The following BRINP3 variants were observed in gnomAD, a reference collection of about 807,000 sequenced individuals.
BRINP3 encodes BMP/retinoic acid-inducible neural-specific protein 3.
In BRINP3, 19 loss-of-function variants were observed where a neutral mutation model predicts 71.0. The observed-to-expected ratio is 0.27, with a 90% CI of 0.19 to 0.39. BRINP3 has a LOEUF of 0.39. Ranked by LOEUF, BRINP3 falls within the 10% of genes least tolerant of loss-of-function variation. The probability of loss-of-function intolerance (pLI) is 1.00; values close to 1 mark genes in which losing one functional copy is unlikely to be tolerated. For missense variants in BRINP3, 959 were observed against 940.8 expected (o/e 1.02, Z -0.25); for synonymous variants, 380 against 337.7 (o/e 1.13, Z -1.37).
chr1:190,232,403 T>A (rs1033054820), intron 5 of BRINP3, among the ~76,000 whole-genome samples: 1 of 152,050 alleles, frequency 6.6e-6, no homozygotes, highest in Non-Finnish European at 1.5e-5. Context: ...ACATTATACT[T>A]GGATTGTAAA....
chr1:190,307,091 T>G (rs540350439), intron 2 of BRINP3, among the ~76,000 whole-genome samples: 1 of 151,960 alleles, frequency 6.6e-6, no homozygotes, highest in East Asian at 1.9e-4. Flanking sequence ...TTTGTCACTT[T>G]ACAGATTTGG....
intron 6 of BRINP3, among the ~76,000 whole-genome samples, chr1:190,187,584 T>G (rs1297083098): frequency 6.6e-6 from 1 of 152,150 alleles, no homozygotes; most frequent in Non-Finnish European, 1.5e-5. Context: ...TCTAATTTTA[T>G]TCTTTTCTGT....
intron 2 of BRINP3, among the ~76,000 whole-genome samples, chr1:190,363,363 G>T (rs1460538106): frequency 6.6e-6 from 1 of 152,124 alleles, no homozygotes; most frequent in African/African-American, 2.4e-5. Flanking sequence ...CCAAACTCCT[G>T]ACACGCAGAA....
chr1:190,320,014 A>ATG (rs1235008022), intron 2 of BRINP3, among the ~76,000 whole-genome samples: 171 of 152,108 alleles, frequency 1.1e-3, no homozygotes, highest in African/African-American at 3.2e-3. Flanking sequence ...TTTGTGATAT[A>ATG]CGTGTGTGTG....
intron 2 of BRINP3, among the ~76,000 whole-genome samples, chr1:190,367,403 C>T (rs1035895956): frequency 6.6e-6 from 1 of 152,172 alleles, no homozygotes; most frequent in Non-Finnish European, 1.5e-5. Flanking sequence ...GACCCTGGGC[C>T]TCGCCCACAA....
intron 4 of BRINP3, among the ~76,000 whole-genome samples, chr1:190,236,097 T>C (rs1328246922): frequency 6.6e-6 from 1 of 151,888 alleles, no homozygotes; most frequent in African/African-American, 2.4e-5. Flanking sequence ...ATGGAGATGA[T>C]GAAAGCCTAA....
chr1:190,389,117 G>C (rs565696640), intron 2 of BRINP3, among the ~76,000 whole-genome samples: 6 of 151,572 alleles, frequency 4.0e-5, no homozygotes, highest in Non-Finnish European at 8.9e-5. Flanking sequence ...ATTTTATTTA[G>C]CAAAAAATAA....
In BRINP3 at chr1:190,416,079, T is replaced by C. The variant is rs529935631; in HGVS notation, c.236+38576A>G. Among the ~76,000 whole-genome samples the C allele has an allele frequency of 3.3e-5, 5 of 152,264 alleles. No individual in the cohort carries two copies. The South Asian group carries it at 1.0e-3, about 32-fold the overall frequency. ...CCCTTGAATGCCTTTTAAGTTGACATATGGCACACCACATGAAATCTTAAT... is the reference window on the plus strand; with the variant it reads ...CCCTTGAATGCCTTTTAAGTTGACACATGGCACACCACATGAAATCTTAAT... On this transcript the variant is annotated intron_variant, in intron 2 of 7. Transcript: ENST00000367462.
chr1:190,338,546 A>G (rs1667440280), intron 2 of BRINP3, among the ~76,000 whole-genome samples: 1 of 152,076 alleles, frequency 6.6e-6, no homozygotes, highest in African/African-American at 2.4e-5. Context: ...AAATGTTTGT[A>G]GACCAGAATA....
intron 7 of BRINP3, among the ~76,000 whole-genome samples, chr1:190,113,871 T>A (rs1237885358): frequency 6.6e-6 from 1 of 152,196 alleles, no homozygotes; most frequent in Non-Finnish European, 1.5e-5. Context: ...AATACGTTTT[T>A]TTCACTAATA....
rs751572323 is a variant in BRINP3 at position 190,274,068 on chromosome 1, GTCA to G, written c.427+7489_427+7491del. 2.6e-5 allele frequency among the ~76,000 whole-genome samples: 4 copies of G among 151,646 alleles called. No individual in the cohort carries two copies. In the South Asian group the frequency reaches 8.3e-4, roughly 31 times the overall value. ...TGTTGATATAATGCAAGTTTGGACA[GTCA>G]TCACAAAATTACACCTGTTCTCTTG... On this transcript the variant is annotated intron_variant, in intron 3 of 7. Transcript: ENST00000367462.
At chr1:190,361,161 G>A (rs1343219621) in intron 2 of BRINP3, among the ~76,000 whole-genome samples, 1 of 151,900 alleles carries the variant, frequency 6.6e-6, no homozygotes, top group Non-Finnish European at 1.5e-5. Context: ...TAAGAGGCAA[G>A]GAGGGCTGTA....
At chr1:190,227,558 G>A (rs1657516193) in intron 5 of BRINP3, among the ~76,000 whole-genome samples, 1 of 151,624 alleles carries the variant, frequency 6.6e-6, no homozygotes, top group African/African-American at 2.4e-5. Flanking sequence ...AACTATATAA[G>A]ATACATGTGA....
At chr1:190,350,957 G>C (rs1376929887) in intron 2 of BRINP3, among the ~76,000 whole-genome samples, 3 of 151,910 alleles carry the variant, frequency 2.0e-5, no homozygotes, top group Admixed American at 2.0e-4. Context: ...CAAGTAGCTG[G>C]GATTACAGGC....
At chr1:190,138,290 A>G (rs955410870) in intron 7 of BRINP3, among the ~76,000 whole-genome samples, 1 of 152,060 alleles carries the variant, frequency 6.6e-6, no homozygotes, top group Non-Finnish European at 1.5e-5. Context: ...ATCCCCAGCA[A>G]CCCAACAAAT....
chr1:190,458,187 T>C (rs1676137986), intron 1 of BRINP3, among the ~76,000 whole-genome samples: 1 of 152,230 alleles, frequency 6.6e-6, no homozygotes, highest in Non-Finnish European at 1.5e-5. Context: ...CCCACTTCTG[T>C]ACAGAAATAA....
At chr1:190,409,546 T>C (rs1194548044) in intron 2 of BRINP3, among the ~76,000 whole-genome samples, 6 of 152,226 alleles carry the variant, frequency 3.9e-5, no homozygotes. Context: ...AAAGTGATAC[T>C]GGCATTCTGT....
intron 7 of BRINP3, among the ~76,000 whole-genome samples, chr1:190,113,726 C>G (rs2153937): frequency 0.58 from 88,470 of 151,966 alleles, 26,170 homozygotes; most frequent in African/African-American, 0.69. Context: ...AAACTAAAAC[C>G]AGGGAGCATA....
intron 6 of BRINP3, among the ~76,000 whole-genome samples, chr1:190,194,186 C>T (rs569951592): frequency 2.6e-4 from 40 of 152,090 alleles, no homozygotes; most frequent in Non-Finnish European, 4.7e-4. Context: ...AAAAGGAAGA[C>T]GCAACATGAC....
Sources: allele counts gnomAD v4.1 joint callset (sites outside exome capture counted in the v4.1 genomes callset), GRCh38; gene constraint gnomAD v4.1.1; transcripts MANE v1.5; gene names NCBI Gene and HGNC (gene_info 2026-07-23, HGNC 2026-07-21).